Variants in NEGR1 observed in about 807,000 individuals in gnomAD.
The protein encoded by NEGR1 is IgLON family member 4.
In NEGR1, 10 loss-of-function variants were observed where a neutral mutation model predicts 40.9. The observed-to-expected ratio is 0.24, with a 90% CI of 0.15 to 0.42. The LOEUF (loss-of-function observed/expected upper bound fraction) is 0.42, where lower values mean the gene tolerates loss of function less well. Ranked by LOEUF, NEGR1 falls within the 10% of genes least tolerant of loss-of-function variation. The pLI, the probability that NEGR1 is intolerant of heterozygous loss-of-function variation, is 1.00. For synonymous variants in NEGR1, 185 were observed against 166.8 expected (o/e 1.11, Z -0.84); for missense variants, 352 against 438.9 (o/e 0.80, Z 1.77).
intron 3 of NEGR1, among the ~76,000 whole-genome samples, chr1:71,756,914 T>C (rs991315095): frequency 6.6e-6 from 1 of 152,010 alleles, no homozygotes; most frequent in Non-Finnish European, 1.5e-5. Context: ...TTTAATAAAT[T>C]CCATAATTCT....
At chr1:71,991,162 T>C (rs1275079536) in intron 1 of NEGR1, among the ~76,000 whole-genome samples, 1 of 152,154 alleles carries the variant, frequency 6.6e-6, no homozygotes, top group Non-Finnish European at 1.5e-5. Flanking sequence ...ACAAGGACTA[T>C]TGCAATTACT....
chr1:71,771,699 CAAAAAA>C (rs60830449), intron 3 of NEGR1, among the ~76,000 whole-genome samples: 1 of 12,098 alleles, frequency 8.3e-5, no homozygotes, highest in East Asian at 3.6e-3. Context: ...GACTTAGTCT[CAAAAAA>C]AAAAAAAAAA....
At chr1:72,058,815 G>T (rs1032714139) in intron 1 of NEGR1, among the ~76,000 whole-genome samples, 6 of 151,578 alleles carry the variant, frequency 4.0e-5, no homozygotes, top group African/African-American at 1.5e-4. Flanking sequence ...TATATGAAAA[G>T]AATTAAAATG....
chr1:72,002,170 C>T (rs965157347), intron 1 of NEGR1, among the ~76,000 whole-genome samples: 4 of 151,946 alleles, frequency 2.6e-5, no homozygotes, highest in Non-Finnish European at 5.9e-5. Context: ...TGGGCCTGGA[C>T]TTAAACTCAT....
intron 6 of NEGR1, among the ~76,000 whole-genome samples, chr1:71,589,496 C>A (rs1046091460): frequency 3.3e-5 from 5 of 152,088 alleles, no homozygotes; most frequent in African/African-American, 1.2e-4. Flanking sequence ...GACATTGCCT[C>A]AAACTAAAAA....
intron 2 of NEGR1, among the ~76,000 whole-genome samples, chr1:71,822,132 T>C (rs565334962): frequency 6.6e-6 from 1 of 152,038 alleles, no homozygotes; most frequent in East Asian, 1.9e-4. Context: ...GAGTGAGGGC[T>C]TTAGGCAGTG....
intron 6 of NEGR1, among the ~76,000 whole-genome samples, chr1:71,560,112 A>C (rs1405026688): frequency 6.6e-6 from 1 of 150,824 alleles, no homozygotes; most frequent in Non-Finnish European, 1.5e-5. Context: ...TGATGATGAT[A>C]ACTATATATG....
Position 72,219,628 on chromosome 1 carries a change from A to C in NEGR1, c.176+62691T>G, listed in dbSNP as rs1318664468. Among the ~76,000 whole-genome samples, 4 of 152,078 alleles carry C rather than the reference A, an allele frequency of 2.6e-5. No individual in the cohort carries two copies. In the East Asian group the frequency reaches 5.8e-4, roughly 22 times the overall value. On this transcript the variant is annotated intron_variant, in intron 1 of 6. Transcript: ENST00000357731. ...ACTAATACATGATTTGATTTATTACACAGCACTATTACCTCCAAACACCAT... is the reference window on the plus strand; with the variant it reads ...ACTAATACATGATTTGATTTATTACCCAGCACTATTACCTCCAAACACCAT...
chr1:72,211,435 C>T (rs904013859), intron 1 of NEGR1, among the ~76,000 whole-genome samples: 9 of 151,130 alleles, frequency 6.0e-5, no homozygotes, highest in Non-Finnish European at 1.3e-4. Flanking sequence ...CTGTAGAATA[C>T]AAAAACAGAG....
intron 1 of NEGR1, among the ~76,000 whole-genome samples, chr1:72,142,683 C>T (rs1650732427): frequency 6.6e-6 from 1 of 151,822 alleles, no homozygotes; most frequent in South Asian, 2.1e-4. Flanking sequence ...GGCTACCTTA[C>T]ATATACAATC....
chr1:72,087,252 A>T (rs1648258814), intron 1 of NEGR1, among the ~76,000 whole-genome samples: 1 of 152,074 alleles, frequency 6.6e-6, no homozygotes, highest in South Asian at 2.1e-4. Context: ...CCCCGTCTCT[A>T]CTAAAAATAC....
intron 3 of NEGR1, among the ~76,000 whole-genome samples, chr1:71,773,458 T>C (rs1460903968): frequency 6.6e-6 from 1 of 152,172 alleles, no homozygotes; most frequent in Non-Finnish European, 1.5e-5. Flanking sequence ...ACATGCAAAA[T>C]ATTGATATTT....
In NEGR1 at chr1:71,493,291, A is replaced by G. The variant is rs181066859; in HGVS notation, c.941-85721T>C. 2.5e-3 allele frequency among the ~76,000 whole-genome samples: 376 copies of G among 152,252 alleles called. 2 individuals are homozygous for G. Among genetic ancestry groups the G allele is most frequent in the Non-Finnish European group, 3.9e-3 (264 of 67,992 alleles). The stretch of plus-strand genomic sequence containing the variant: ...GGAGACGTTGACCTCTAATGCAACA[A>G]TCTCTACAAATCAACCCCAAAATGT... On this transcript the variant is annotated intron_variant, in intron 6 of 6. Transcript: ENST00000357731.
intron 1 of NEGR1, among the ~76,000 whole-genome samples, chr1:72,106,539 G>GA (rs146619840): frequency 2.0e-4 from 30 of 150,646 alleles, no homozygotes; most frequent in African/African-American, 3.4e-4. Flanking sequence ...AAGGCTGGGA[G>GA]AAAAAAAAAT....
chr1:71,673,848 T>C (rs1266054018), intron 4 of NEGR1, among the ~76,000 whole-genome samples: 1 of 152,152 alleles, frequency 6.6e-6, no homozygotes, highest in Non-Finnish European at 1.5e-5. Context: ...TACTATGCTC[T>C]AAACACAGTT....
chr1:71,534,207 G>A (rs1170117362), intron 6 of NEGR1, among the ~76,000 whole-genome samples: 1 of 151,644 alleles, frequency 6.6e-6, no homozygotes, highest in Non-Finnish European at 1.5e-5. Flanking sequence ...GGAACTCTTG[G>A]TTTTTCTCTG....
chr1:72,177,770 G>GTT (rs34239145), intron 1 of NEGR1, among the ~76,000 whole-genome samples: 1 of 141,660 alleles, frequency 7.1e-6, no homozygotes, highest in Non-Finnish European at 1.5e-5. Context: ...TTTTGTTTTT[G>GTT]TTTTTTTTTT....
intron 6 of NEGR1, among the ~76,000 whole-genome samples, chr1:71,483,505 A>G (rs1646867786): frequency 6.6e-6 from 1 of 151,774 alleles, no homozygotes; most frequent in African/African-American, 2.4e-5. Context: ...CTGCACTCCA[A>G]TGAGGCATTT....
At chr1:71,767,729 G>T (rs531509102) in intron 3 of NEGR1, among the ~76,000 whole-genome samples, 1 of 152,348 alleles carries the variant, frequency 6.6e-6, no homozygotes, top group South Asian at 2.1e-4. Context: ...TTTCAGAGAA[G>T]CTCATGGAAG....
Sources: allele counts gnomAD v4.1 joint callset (sites outside exome capture counted in the v4.1 genomes callset), GRCh38; gene constraint gnomAD v4.1.1; transcripts MANE v1.5; gene names NCBI Gene and HGNC (gene_info 2026-07-23, HGNC 2026-07-21).